Variants in AFF3 observed in about 807,000 individuals in gnomAD.
AFF3 encodes ALF transcription elongation factor 3.
In AFF3, 32 loss-of-function variants were observed where a neutral mutation model predicts 129.7. That is an observed-to-expected ratio of 0.25 (90% CI 0.19 to 0.33). The LOEUF is 0.33. Among genes scored for constraint, AFF3 ranks in the 10% least tolerant of loss-of-function variants. The pLI is 1.00. For missense variants in AFF3, 1,373 were observed against 1,592.0 expected, an observed-to-expected ratio of 0.86 and a Z score of 2.34; for synonymous variants, 644 against 635.4, an observed-to-expected ratio of 1.01 and a Z score of -0.20.
At chr2:99,685,799 C>T (rs1291976406) in intron 11 of AFF3, among the ~76,000 whole-genome samples, 1 of 152,086 alleles carries the variant, frequency 6.6e-6, no homozygotes, top group Non-Finnish European at 1.5e-5. Context: ...AGGAAAATAA[C>T]GATCTATTTA....
At chr2:99,761,443 T>C (rs563168098) in intron 8 of AFF3, among the ~76,000 whole-genome samples, 201 of 151,178 alleles carry the variant, frequency 1.3e-3, no homozygotes, top group African/African-American at 4.6e-3. Flanking sequence ...TGATGGTGCA[T>C]AGACTTTCAT....
intron 8 of AFF3, among the ~76,000 whole-genome samples, chr2:99,762,532 C>T (rs6711546): frequency 0.12 from 18,704 of 152,116 alleles, 2,538 homozygotes; most frequent in African/African-American, 0.34. Context: ...ACAAACTCTT[C>T]GAGGGAAGGG....
intron 13 of AFF3, among the ~76,000 whole-genome samples, chr2:99,636,748 C>T (rs566409932): frequency 1.3e-5 from 2 of 152,246 alleles, no homozygotes; most frequent in East Asian, 3.9e-4. Context: ...GGAGCCAGCA[C>T]AGGAAAGGGA....
At chr2:99,858,495 G>A (rs751546560) in intron 7 of AFF3, among the ~76,000 whole-genome samples, 39 of 151,968 alleles carry the variant, frequency 2.6e-4, no homozygotes, top group Non-Finnish European at 5.0e-4. Context: ...AGGCTGCAGT[G>A]AGCCACAATC....
chr2:99,629,850 G>A (rs182201584), intron 13 of AFF3, among the ~76,000 whole-genome samples: 52 of 152,180 alleles, frequency 3.4e-4, no homozygotes, highest in African/African-American at 1.2e-3. Flanking sequence ...CCCATGATGG[G>A]ATCCTACCCT....
intron 10 of AFF3, among the ~76,000 whole-genome samples, chr2:99,739,931 T>C (rs1490241205): frequency 6.6e-6 from 1 of 151,238 alleles, no homozygotes; most frequent in African/African-American, 2.4e-5. Flanking sequence ...CATTTAACAT[T>C]AGGTATATCT....
rs1291276603 is a variant in AFF3 at position 100,031,418 on chromosome 2, A to G, written c.54-22486T>C. Reference sequence around the variant, plus strand: ...ATATGTATTAGCTTACTATAGATATAGAGGGTTACATATAGAAATGTATAC... The same window carrying G: ...ATATGTATTAGCTTACTATAGATATGGAGGGTTACATATAGAAATGTATAC... On this transcript the variant is annotated intron_variant, in intron 4 of 24. Transcript: ENST00000672756. 2.6e-5 allele frequency among the ~76,000 whole-genome samples: 4 copies of G among 152,300 alleles called. No individual in the cohort carries two copies. The East Asian group carries it at 7.7e-4, about 29-fold the overall frequency.
At chr2:99,904,763 C>T (rs902406286) in intron 7 of AFF3, among the ~76,000 whole-genome samples, 5 of 152,114 alleles carry the variant, frequency 3.3e-5, no homozygotes, top group African/African-American at 1.2e-4. Flanking sequence ...GAAGATAATC[C>T]CGAATGAGAA....
chr2:99,590,693 T>G (rs1157215177), intron 15 of AFF3, among the ~76,000 whole-genome samples: 1 of 152,166 alleles, frequency 6.6e-6, no homozygotes, highest in African/African-American at 2.4e-5. Context: ...GGGGCCTCTT[T>G]ATAAAATTAT....
chr2:99,563,901 C>T (rs1203235269), intron 20 of AFF3, among the ~76,000 whole-genome samples: 5 of 150,810 alleles, frequency 3.3e-5, no homozygotes, highest in African/African-American at 9.7e-5. Context: ...GTGATTCTAT[C>T]GATTCTGAAG....
intron 4 of AFF3, among the ~76,000 whole-genome samples, chr2:100,086,236 T>A (rs1409274058): frequency 6.6e-6 from 1 of 152,248 alleles, no homozygotes; most frequent in Non-Finnish European, 1.5e-5. Flanking sequence ...AGAATTCCCA[T>A]ATCTGGCTGG....
chr2:99,917,624 G>T (rs896199401), intron 7 of AFF3, among the ~76,000 whole-genome samples: 4 of 152,110 alleles, frequency 2.6e-5, no homozygotes, highest in Non-Finnish European at 5.9e-5. Context: ...ATAATTTAGT[G>T]ATGATGTAAT....
intron 7 of AFF3, among the ~76,000 whole-genome samples, chr2:99,941,737 G>A (rs1285820562): frequency 1.3e-5 from 2 of 152,140 alleles, no homozygotes; most frequent in Admixed American, 1.3e-4. Context: ...CAGGAATAGA[G>A]ACACGATGGC....
chr2:100,130,309 T>C (rs1299196812), intron 1 of AFF3, among the ~76,000 whole-genome samples: 2 of 152,194 alleles, frequency 1.3e-5, no homozygotes, highest in African/African-American at 4.8e-5. Context: ...CAAGGCTCCA[T>C]GCCAGCTCCA....
chr2:100,123,751 G>C (rs1300954321), intron 2 of AFF3, among the ~76,000 whole-genome samples: 1 of 152,106 alleles, frequency 6.6e-6, no homozygotes, highest in Non-Finnish European at 1.5e-5. Context: ...CTAAAGGAGA[G>C]AGGTCAGAGC....
chr2:99,850,989 T>C (rs914370960), intron 7 of AFF3, among the ~76,000 whole-genome samples: 7 of 152,176 alleles, frequency 4.6e-5, no homozygotes, highest in Non-Finnish European at 8.8e-5. Context: ...TTCTGTATGC[T>C]TCTAATTAGC....
At chr2:100,037,455 T>G (rs1685015266) in intron 4 of AFF3, among the ~76,000 whole-genome samples, 1 of 118,136 alleles carries the variant, frequency 8.5e-6, no homozygotes, top group Non-Finnish European at 1.6e-5. Flanking sequence ...ATATATTATT[T>G]ATATATAAAT....
chr2:99,920,442 T>G (rs993319132), intron 7 of AFF3, among the ~76,000 whole-genome samples: 1 of 152,084 alleles, frequency 6.6e-6, no homozygotes, highest in South Asian at 2.1e-4. Context: ...ATCATTTCAG[T>G]AGACTCAGGG....
At chr2:99,762,746 A>G (rs954644024) in intron 8 of AFF3, among the ~76,000 whole-genome samples, 1 of 152,174 alleles carries the variant, frequency 6.6e-6, no homozygotes, top group Non-Finnish European at 1.5e-5. Flanking sequence ...TAACTCCAGA[A>G]TTCTTTGTGC....
Sources: gnomAD v4.1 joint callset for allele counts (sites outside exome capture counted in the v4.1 genomes callset) on GRCh38, gnomAD v4.1.1 for gene constraint, MANE v1.5 for transcripts, NCBI Gene and HGNC (gene_info 2026-07-23, HGNC 2026-07-21) for gene names.